VPS41: variants seen among roughly 807,000 people sequenced by gnomAD.
VPS41 encodes the protein vacuolar protein sorting-associated protein 41 homolog.
A neutral mutation model predicts 130.9 loss-of-function variants in VPS41; 85 were observed. The observed-to-expected ratio is 0.65, with a 90% confidence interval of 0.55 to 0.78. VPS41 has a LOEUF of 0.78. Among genes scored for constraint, VPS41 ranks in the 30% least tolerant of loss-of-function variants. The pLI, the probability that VPS41 is intolerant of heterozygous loss-of-function variation, is 0.00. For synonymous variants in VPS41, 335 were observed against 332.9 expected (o/e 1.01, Z -0.07); for missense variants, 874 against 1,018.7 (o/e 0.86, Z 1.93).
chr7:38,859,245 T>G (rs753074954), intron 4 of VPS41, among the ~76,000 whole-genome samples: 2 of 152,208 alleles, frequency 1.3e-5, no homozygotes, highest in Admixed American at 6.5e-5. Flanking sequence ...TTAAAAAGTT[T>G]ATAAAGTAAA....
intron 8 of VPS41, among the ~76,000 whole-genome samples, chr7:38,796,080 C>T (rs1282898236): frequency 2.0e-5 from 3 of 152,158 alleles, no homozygotes; most frequent in Admixed American, 2.0e-4. Flanking sequence ...GAGACCACAG[C>T]TTTGTTTTAC....
chr7:38,847,345 T>C (rs1785748310), intron 4 of VPS41, among the ~76,000 whole-genome samples: 1 of 152,198 alleles, frequency 6.6e-6, no homozygotes, highest in Admixed American at 6.5e-5. Context: ...TTAAGATTCC[T>C]AGTCCACAGG....
At chr7:38,764,218 AGAG>A (rs1382777466) in intron 16 of VPS41, among the ~76,000 whole-genome samples, 1 of 152,238 alleles carries the variant, frequency 6.6e-6, no homozygotes, top group African/African-American at 2.4e-5. Context: ...CTGCAGCAGC[AGAG>A]GAGAACCATG....
intron 3 of VPS41, among the ~76,000 whole-genome samples, chr7:38,865,224 A>C (rs1786203087): frequency 6.6e-6 from 1 of 152,206 alleles, no homozygotes; most frequent in South Asian, 2.1e-4. Flanking sequence ...TTAAAAGCTA[A>C]AACACTCAAC....
At chr7:38,760,611 CT>C (rs1783890321) in intron 17 of VPS41, among the ~76,000 whole-genome samples, 1 of 152,024 alleles carries the variant, frequency 6.6e-6, no homozygotes. Flanking sequence ...CCTGCTTGCT[CT>C]TTCCCCTTTA....
intron 14 of VPS41, among the ~76,000 whole-genome samples, chr7:38,768,970 CACAGCTA>C (rs111753027): frequency 0.05 from 7,539 of 152,220 alleles, 631 homozygotes; most frequent in African/African-American, 0.17. Context: ...TCTTCCCCTT[CACAGCTA>C]ACCTGATAAT....
intron 12 of VPS41, 110 bp downstream of exon 12, chr7:38,774,005 T>C: frequency 9.0e-7 from 1 of 1,113,306 alleles, no homozygotes; most frequent in Non-Finnish European, 1.3e-6. Flanking sequence ...ACGCAGGTAT[T>C]CTCTTAAGAT....
chr7:38,909,047 G>A, intron 1 of VPS41, 107 bp downstream of exon 1: 2 of 1,322,750 alleles, frequency 1.5e-6, no homozygotes, highest in Non-Finnish European at 2.2e-6. Context: ...CCTGCCTTGC[G>A]CTATTCCAGC....
At chr7:38,851,207 C>T (rs1025244589) in intron 4 of VPS41, among the ~76,000 whole-genome samples, 5 of 152,184 alleles carry the variant, frequency 3.3e-5, no homozygotes, top group African/African-American at 1.2e-4. Flanking sequence ...GTAGAACTCA[C>T]ACACATGTCT....
At chr7:38,788,760 A>G (rs1482681896) in intron 10 of VPS41, among the ~76,000 whole-genome samples, 1 of 152,170 alleles carries the variant, frequency 6.6e-6, no homozygotes, top group African/African-American at 2.4e-5. Flanking sequence ...AAGCAATCTG[A>G]ACTATGTAGT....
chr7:38,860,184 G>C (rs1786075469), intron 4 of VPS41, among the ~76,000 whole-genome samples: 1 of 152,058 alleles, frequency 6.6e-6, no homozygotes, highest in African/African-American at 2.4e-5. Flanking sequence ...TAGGCAATTA[G>C]GTATTATTCA....
chr7:38,821,090 A>G, intron 6 of VPS41, 113 bp downstream of exon 6: 1 of 762,918 alleles, frequency 1.3e-6, no homozygotes, highest in African/African-American at 1.7e-5. Context: ...GAAGTGTTGA[A>G]CAGACACTTA....
chr7:38,776,162 G>A (rs927896344), intron 11 of VPS41, among the ~76,000 whole-genome samples: 5 of 152,266 alleles, frequency 3.3e-5, no homozygotes, highest in Middle Eastern at 3.4e-3. Context: ...AGATTTTGAT[G>A]TACCATTATT....
chr7:38,764,545 G>A (rs939370747), intron 16 of VPS41, among the ~76,000 whole-genome samples: 3 of 152,142 alleles, frequency 2.0e-5, no homozygotes, highest in African/African-American at 7.2e-5. Context: ...TCTATCAGAA[G>A]GCATTTGCTA....
In VPS41 at chr7:38,743,466, A is replaced by G. The variant is rs745540839; in HGVS notation, c.2058T>C (p.Phe686=). ...ELHDVDKAIE[F]AKEQDDGELW... is the part of the protein sequence containing the mutation. Reference sequence around the variant, plus strand: ...GCTCTCCATCATCTTGCTCCTTGGCAAATTCGATTGCTTTATCAACATCAT... The same window carrying G: ...GCTCTCCATCATCTTGCTCCTTGGCGAATTCGATTGCTTTATCAACATCAT... The change falls in exon 24 of 29, where the codon TTT becomes TTC. Residue 686 remains phenylalanine, a synonymous_variant. Transcript: ENST00000310301. The G allele has an allele frequency of 3.1e-6, 5 of 1,614,062 alleles. 1 individual carries two copies. The Middle Eastern group carries it at 6.6e-4, about 213-fold the overall frequency.
intron 25 of VPS41, among the ~76,000 whole-genome samples, chr7:38,733,212 A>G (rs1019801576): frequency 3.3e-5 from 5 of 152,228 alleles, no homozygotes; most frequent in African/African-American, 9.6e-5. Context: ...TTTGACTACC[A>G]ATGTAATTTA....
chr7:38,901,264 T>C (rs1214045561), intron 1 of VPS41, among the ~76,000 whole-genome samples: 1 of 152,194 alleles, frequency 6.6e-6, no homozygotes, highest in Non-Finnish European at 1.5e-5. Flanking sequence ...TGATTAAAAG[T>C]TCTAGAGAGG....
chr7:38,753,108 T>C (rs186453138), intron 21 of VPS41, among the ~76,000 whole-genome samples: 23 of 152,210 alleles, frequency 1.5e-4, no homozygotes, highest in African/African-American at 5.5e-4. Flanking sequence ...CAATTCAATG[T>C]TTAGTTAATA....
chr7:38,733,411 C>T (rs552127431), intron 25 of VPS41, among the ~76,000 whole-genome samples: 4 of 152,242 alleles, frequency 2.6e-5, no homozygotes, highest in Non-Finnish European at 4.4e-5. Flanking sequence ...GTTGTTTCCC[C>T]GTGCCTTTTT....
Sources: gnomAD v4.1 joint callset for allele counts (sites outside exome capture counted in the v4.1 genomes callset) on GRCh38, gnomAD v4.1.1 for gene constraint, MANE v1.5 for transcripts, NCBI Gene and HGNC (gene_info 2026-07-23, HGNC 2026-07-21) for gene names.